The following RBFOX1 variants were observed in gnomAD, a reference collection of about 807,000 sequenced individuals.
RBFOX1 encodes RNA binding protein fox-1 homolog 1.
In RBFOX1, 8 loss-of-function variants were observed where a neutral mutation model predicts 57.7. The ratio of observed to expected loss-of-function variants is 0.14; its 90% CI spans 0.08 to 0.25. The LOEUF (loss-of-function observed/expected upper bound fraction) is 0.25, where lower values mean the gene tolerates loss of function less well. RBFOX1 is among the 10% of genes least tolerant of loss of function. RBFOX1 has a pLI of 1.00. For missense variants in RBFOX1, 611 were observed against 548.5 expected (o/e 1.11, Z -1.14); for synonymous variants, 326 against 222.4 (o/e 1.47, Z -4.15).
At chr16:7,434,181 T>G (rs1335814968) in intron 4 of RBFOX1, among the ~76,000 whole-genome samples, 1 of 150,962 alleles carries the variant, frequency 6.6e-6, no homozygotes, top group Admixed American at 6.6e-5. Flanking sequence ...GTATAAGAGA[T>G]GAAGGAGGGG....
intron 2 of RBFOX1, among the ~76,000 whole-genome samples, chr16:6,350,739 C>T (rs572343200): frequency 1.1e-3 from 174 of 152,278 alleles, no homozygotes; most frequent in African/African-American, 3.6e-3. Flanking sequence ...TCATTAACAA[C>T]ACTAGGAGGT....
chr16:6,292,592 G>T (rs899004501), intron 1 of RBFOX1, among the ~76,000 whole-genome samples: 20 of 144,994 alleles, frequency 1.4e-4, no homozygotes, highest in Non-Finnish European at 1.5e-5. Flanking sequence ...CAACAAAATG[G>T]TTGAGGGGGA....
chr16:5,977,816 T>G (rs1567212911), intron 4 of RBFOX1, among the ~76,000 whole-genome samples: 2 of 152,166 alleles, frequency 1.3e-5, no homozygotes, highest in African/African-American at 4.8e-5. Flanking sequence ...GGTGGCTCCC[T>G]TCTCTAGGTT....
chr16:6,418,798 G>A (rs963286973), intron 2 of RBFOX1, among the ~76,000 whole-genome samples: 9 of 152,180 alleles, frequency 5.9e-5, no homozygotes, highest in African/African-American at 2.2e-4. Flanking sequence ...CAATATGCTG[G>A]GATTACAGGC....
At chr16:6,879,039 C>T (rs573831055) in intron 3 of RBFOX1, among the ~76,000 whole-genome samples, 9 of 152,248 alleles carry the variant, frequency 5.9e-5, no homozygotes, top group Admixed American at 2.0e-4. Flanking sequence ...TTTGACCACA[C>T]GTGTAGTAGT....
intron 2 of RBFOX1, among the ~76,000 whole-genome samples, chr16:5,476,058 T>A (rs545936353): frequency 5.4e-4 from 82 of 152,280 alleles, no homozygotes; most frequent in African/African-American, 1.8e-3. Flanking sequence ...CTGCCTTGTT[T>A]CCAGCCACAG....
intron 2 of RBFOX1, among the ~76,000 whole-genome samples, chr16:6,449,309 C>A (rs1044105935): frequency 6.6e-6 from 1 of 152,212 alleles, no homozygotes; most frequent in African/African-American, 2.4e-5. Context: ...TCTACCCTTA[C>A]TGCCTTCTGT....
At chr16:7,128,047 C>A (rs778845758) in intron 4 of RBFOX1, among the ~76,000 whole-genome samples, 1 of 152,166 alleles carries the variant, frequency 6.6e-6, no homozygotes, top group Non-Finnish European at 1.5e-5. Flanking sequence ...GTCTTGACAT[C>A]GTCCTCTGGC....
intron 3 of RBFOX1, among the ~76,000 whole-genome samples, chr16:5,784,439 A>G (rs1307459806): frequency 6.6e-6 from 1 of 151,854 alleles, no homozygotes; most frequent in Non-Finnish European, 1.5e-5. Flanking sequence ...ACAAAAAAAA[A>G]AGAGGAAGCA....
At chr16:6,938,688 T>C (rs1267058899) in intron 3 of RBFOX1, among the ~76,000 whole-genome samples, 1 of 152,164 alleles carries the variant, frequency 6.6e-6, no homozygotes, top group Non-Finnish European at 1.5e-5. Flanking sequence ...GGCTTTGCCA[T>C]GTTGGCCAGG....
At chr16:6,854,724 A>T (rs763770635) in intron 3 of RBFOX1, among the ~76,000 whole-genome samples, 2 of 149,958 alleles carry the variant, frequency 1.3e-5, no homozygotes, top group African/African-American at 2.5e-5. Context: ...CCTCCCGAGT[A>T]GCTGGAACTA....
intron 3 of RBFOX1, among the ~76,000 whole-genome samples, chr16:5,791,786 A>T (rs2054707033): frequency 6.6e-6 from 1 of 152,226 alleles, no homozygotes; most frequent in African/African-American, 2.4e-5. Context: ...AGCATATGAC[A>T]TGTTTGATCT....
chr16:7,670,059 C>T (rs1268913949), intron 13 of RBFOX1, among the ~76,000 whole-genome samples: 1 of 152,178 alleles, frequency 6.6e-6, no homozygotes, highest in African/African-American at 2.4e-5. Flanking sequence ...GGAGACATAG[C>T]CTCCCTGTAT....
At chr16:6,683,027 T>C (rs2058903295) in intron 3 of RBFOX1, among the ~76,000 whole-genome samples, 1 of 152,034 alleles carries the variant, frequency 6.6e-6, no homozygotes, top group Non-Finnish European at 1.5e-5. Context: ...AGCTTCTCCA[T>C]CCATATGACC....
At chr16:5,556,442 TTGACATTA>T in intron 2 of RBFOX1, among the ~76,000 whole-genome samples, 1 of 152,246 alleles carries the variant, frequency 6.6e-6, no homozygotes, top group Admixed American at 6.5e-5. Flanking sequence ...TCCAGGTCAT[TTGACATTA>T]GTTCAGAGAA....
chr16:7,593,079 T>A (rs9926898), intron 7 of RBFOX1, among the ~76,000 whole-genome samples: 1 of 151,518 alleles, frequency 6.6e-6, no homozygotes, highest in East Asian at 2.0e-4. Context: ...CCTCCCAAAC[T>A]GCTTGCATTA....
At position 7,710,063 on chromosome 16, in the gene RBFOX1, T is replaced by C. The variant is rs923115619; in HGVS notation, c.1072-560T>C. 181 of 1,000,944 alleles carry C rather than the reference T, an allele frequency of 1.8e-4. 1 individual carries two copies. Among genetic ancestry groups the C allele is most frequent in the Non-Finnish European group, 2.1e-4 (173 of 841,450 alleles). The allele number at this position is 1,000,944 out of a possible 1,614,324, so 62.0% of individuals were successfully genotyped here. A position where few individuals can be genotyped will look rare whatever the true frequency, so the allele number is the denominator to read the frequency against. ...GTTCACTGAAGCTCAGTCATAGAAA[T>C]TCAGCCATGATTTGGAAGCATTGTT... is the stretch of plus-strand genomic sequence containing the variant. On this transcript the variant is annotated intron_variant, in intron 15 of 15. Coordinates refer to ENST00000550418, the MANE Select transcript of RBFOX1 (RefSeq NM_018723.4).
intron 3 of RBFOX1, among the ~76,000 whole-genome samples, chr16:6,731,197 C>T (rs1407638847): frequency 1.3e-5 from 2 of 152,088 alleles, no homozygotes; most frequent in African/African-American, 2.4e-5. Flanking sequence ...AGGGAAGATA[C>T]ATATCAGATC....
chr16:7,518,761 G>T (rs2076929337), intron 5 of RBFOX1, among the ~76,000 whole-genome samples: 1 of 152,166 alleles, frequency 6.6e-6, no homozygotes, highest in South Asian at 2.1e-4. Flanking sequence ...GGTGGCTCAT[G>T]CCTGTGATCC....
Sources: allele counts gnomAD v4.1 joint callset (sites outside exome capture counted in the v4.1 genomes callset), GRCh38; gene constraint gnomAD v4.1.1; transcripts MANE v1.5; gene names NCBI Gene and HGNC (gene_info 2026-07-23, HGNC 2026-07-21).